RIGI: variants seen among roughly 807,000 people sequenced by gnomAD.
RIGI encodes the protein RNA sensor RIG-I.
the RIGI span, among the ~76,000 whole-genome samples, chr9:32,461,151 T>C: frequency 6.6e-6 from 1 of 152,066 alleles, no homozygotes; most frequent in African/African-American, 2.4e-5. Context: ...CACAATATTT[T>C]TTAAACGCTG....
chr9:32,477,007 A>G, the RIGI span: 1 of 1,613,874 alleles, frequency 6.2e-7, no homozygotes, highest in Non-Finnish European at 8.5e-7. Flanking sequence ...TGGTTTTCAC[A>G]AAGAGAATTG....
the RIGI span, among the ~76,000 whole-genome samples, chr9:32,472,102 C>A: frequency 6.6e-6 from 1 of 152,120 alleles, no homozygotes; most frequent in Non-Finnish European, 1.5e-5. Flanking sequence ...AGCCTTTTAT[C>A]CTTTGACCAC....
At chr9:32,466,041 C>G in the RIGI span, among the ~76,000 whole-genome samples, 1 of 152,200 alleles carries the variant, frequency 6.6e-6, no homozygotes, top group Non-Finnish European at 1.5e-5. Flanking sequence ...TCGAGATGAA[C>G]TGTCAACTAG....
At chr9:32,521,820 T>G in the RIGI span, among the ~76,000 whole-genome samples, 1 of 152,160 alleles carries the variant, frequency 6.6e-6, no homozygotes, top group Non-Finnish European at 1.5e-5. Context: ...TAATGATGAT[T>G]ATTATGTTAA....
the RIGI span, among the ~76,000 whole-genome samples, chr9:32,479,930 A>T: frequency 6.6e-6 from 1 of 152,178 alleles, no homozygotes; most frequent in Admixed American, 6.5e-5. Flanking sequence ...TTACTAAAAA[A>T]GAACGTTAAA....
At chr9:32,474,273 A>G in the RIGI span, among the ~76,000 whole-genome samples, 2 of 151,686 alleles carry the variant, frequency 1.3e-5, no homozygotes, top group Non-Finnish European at 2.9e-5. Context: ...ATACCTAGGT[A>G]TAAGTCTAAC....
At chr9:32,473,090 T>C in the RIGI span, 194,547 of 1,508,654 alleles carry the variant, frequency 0.13, 13,623 homozygotes, top group Middle Eastern at 0.22. Flanking sequence ...CAATTATCAA[T>C]TGGACACTCC....
At chr9:32,487,860 A>C in the RIGI span, 3 of 1,480,036 alleles carry the variant, frequency 2.0e-6, no homozygotes, top group South Asian at 3.9e-5. Flanking sequence ...TGAGAAGGAC[A>C]TCTTCAGTGT....
At chr9:32,500,129 T>G in the RIGI span, among the ~76,000 whole-genome samples, 2 of 152,222 alleles carry the variant, frequency 1.3e-5, no homozygotes, top group Non-Finnish European at 2.9e-5. Flanking sequence ...CCTGTAGCTT[T>G]CTAATAAATG....
At chr9:32,474,692 G>A in the RIGI span, among the ~76,000 whole-genome samples, 126,737 of 152,150 alleles carry the variant, frequency 0.83, 53,033 homozygotes, top group Middle Eastern at 0.93. Flanking sequence ...GCCATGGCCA[G>A]CACCTTCACT....
chr9:32,490,377 CAAT>C, the RIGI span, among the ~76,000 whole-genome samples: 1 of 151,838 alleles, frequency 6.6e-6, no homozygotes, highest in South Asian at 2.1e-4. Flanking sequence ...TCTCAAAAAA[CAAT>C]AACAACAACA....
the RIGI span, among the ~76,000 whole-genome samples, chr9:32,512,221 G>A: frequency 1.3e-5 from 2 of 152,258 alleles, no homozygotes; most frequent in Non-Finnish European, 2.9e-5. Context: ...CATTTTATGA[G>A]GCCAACATCA....
At chr9:32,497,754 A>AAATG in the RIGI span, among the ~76,000 whole-genome samples, 1 of 152,252 alleles carries the variant, frequency 6.6e-6, no homozygotes, top group East Asian at 1.9e-4. Flanking sequence ...CCGTCTCAAA[A>AAATG]AATGAATGAA....
At chr9:32,491,457 A>C in the RIGI span, 1 of 1,528,470 alleles carries the variant, frequency 6.5e-7, no homozygotes, top group African/African-American at 1.4e-5. Context: ...ATCTTCACAT[A>C]ATCTGATTAT....
the RIGI span, among the ~76,000 whole-genome samples, chr9:32,478,278 C>T: frequency 6.6e-6 from 1 of 152,212 alleles, no homozygotes. Context: ...CTCCTGACCT[C>T]AGGTGGCCCA....
the RIGI span, chr9:32,480,464 C>G: frequency 1.3e-3 from 1,465 of 1,102,742 alleles, 2 homozygotes; most frequent in Non-Finnish European, 1.7e-3. Flanking sequence ...CTTTTCTTTT[C>G]AAATCTATTC....
chr9:32,495,251 G>A, the RIGI span, among the ~76,000 whole-genome samples: 1 of 152,128 alleles, frequency 6.6e-6, no homozygotes, highest in South Asian at 2.1e-4. Flanking sequence ...ACCCAGGCTA[G>A]AGTGCAGTGG....
At chr9:32,526,128 C>T in the RIGI span, 1 of 1,613,790 alleles carries the variant, frequency 6.2e-7, no homozygotes, top group Non-Finnish European at 8.5e-7. Flanking sequence ...GGATATAATC[C>T]TGGAAGGCTT....
the RIGI span, among the ~76,000 whole-genome samples, chr9:32,476,326 C>T: frequency 6.6e-6 from 1 of 151,994 alleles, no homozygotes; most frequent in Non-Finnish European, 1.5e-5. Context: ...CAAGACCCCA[C>T]CTCTACAAAA....
Sources: allele counts gnomAD v4.1 joint callset (sites outside exome capture counted in the v4.1 genomes callset), GRCh38; gene constraint gnomAD v4.1.1; transcripts MANE v1.5; gene names NCBI Gene and HGNC (gene_info 2026-07-23, HGNC 2026-07-21).